UBTF: variants seen among roughly 807,000 people sequenced by gnomAD.
UBTF encodes the protein upstream binding transcription factor, also known as nucleolar transcription factor 1.
A neutral mutation model predicts 112.3 loss-of-function variants in UBTF; 8 were observed. The ratio of observed to expected loss-of-function variants is 0.07; its 90% CI spans 0.04 to 0.13. The LOEUF (loss-of-function observed/expected upper bound fraction) is 0.13. Among genes scored for constraint, UBTF ranks in the 10% least tolerant of loss-of-function variants. The pLI is 1.00. For missense variants in UBTF, 457 were observed against 982.1 expected, an observed-to-expected ratio of 0.47 and a Z score of 7.15; for synonymous variants, 417 against 373.1, an observed-to-expected ratio of 1.12 and a Z score of -1.36.
chr17:44,207,093 C>A lies in UBTF; in HGVS notation c.*149G>T. 1 of 876,132 alleles carries A rather than the reference C, an allele frequency of 1.1e-6. No individual in the cohort carries two copies. The highest frequency in any genetic ancestry group is 2.8e-5 in the Admixed American group (1 of 35,646). 54.3% of individuals were successfully genotyped at this position (876,132 alleles called of 1,614,324 possible). A position where few individuals can be genotyped will look rare whatever the true frequency, so the allele number is the denominator to read the frequency against. On this transcript the variant is annotated 3_prime_UTR_variant, in exon 21 of 21. Transcript: ENST00000436088. Reference sequence around the variant, plus strand: ...CCTGGGCTCCTCCAGCCCCCTACCCCCACCGTATTTTTTTTTTTTTTTAAA... The same window carrying A: ...CCTGGGCTCCTCCAGCCCCCTACCCACACCGTATTTTTTTTTTTTTTTAAA...
At position 44,212,826 on chromosome 17, in the gene UBTF, C is replaced by T; in HGVS notation, c.653G>A (p.Arg218Gln). The T allele has an allele frequency of 1.9e-6, 3 of 1,614,074 alleles. No homozygotes were observed. Among genetic ancestry groups the T allele is most frequent in the Non-Finnish European group, 2.5e-6 (3 of 1,179,932 alleles). Residue 218 changes from arginine (R) to glutamine (Q), a missense_variant, in exon 7 of 21, where the codon CGG becomes CAG. Transcript: ENST00000436088. The stretch of plus-strand genomic sequence containing the variant: ...CCTTGGCCGGACACTCACATCTGGC[C>T]GCACTTTGAGATACACCTTCTTCTC... ...THEKKVYLKV[R>Q]PDATTKEVKD...
At chr17:44,213,817 A>G (rs1398936154) in intron 5 of UBTF, among the ~76,000 whole-genome samples, 2 of 151,960 alleles carry the variant, frequency 1.3e-5, no homozygotes, top group African/African-American at 4.8e-5. Flanking sequence ...TTCTTCCAAT[A>G]CAAGTCTCAG....
intron 17 of UBTF, 146 bp from the exon 18 acceptor site, chr17:44,208,057 G>T: frequency 2.4e-6 from 2 of 825,610 alleles, no homozygotes; most frequent in Non-Finnish European, 3.8e-6. Context: ...TTGGGTCTCT[G>T]CAGAGAGCCC....
At chr17:44,213,073 G>T in intron 6 of UBTF, 134 bp from the exon 7 acceptor site, 1 of 1,539,886 alleles carries the variant, frequency 6.5e-7, no homozygotes, top group Non-Finnish European at 8.8e-7. Context: ...GCCTGTCTCT[G>T]TCCCTGAGCA....
chr17:44,214,460 G>A (rs75010831), intron 5 of UBTF, among the ~76,000 whole-genome samples: 1 of 152,322 alleles, frequency 6.6e-6, no homozygotes, highest in African/African-American at 2.4e-5. Flanking sequence ...GTGTCCCCCA[G>A]GACAGCACCT....
At chr17:44,217,664 C>T (rs562381182) in intron 2 of UBTF, among the ~76,000 whole-genome samples, 10 of 152,336 alleles carry the variant, frequency 6.6e-5, no homozygotes, top group African/African-American at 2.2e-4. Context: ...CCAGCTTCAT[C>T]CTACTCTCTA....
upstream of UBTF, among the ~76,000 whole-genome samples, chr17:44,220,514 A>AC (rs397794740): frequency 1.1e-4 from 16 of 149,372 alleles, no homozygotes; most frequent in African/African-American, 3.7e-4. Context: ...TTAAAAAAAA[A>AC]CCCGAAAACT....
rs533076050 is a variant in UBTF at position 44,209,822 on chromosome 17, T to C, written c.1627-89A>G. On this transcript the variant is annotated intron_variant, in intron 15 of 20. Transcript: ENST00000436088. ...TCATGCCATCAGCACCTTAGCTGGCTGTCTTTTTCTGTGCCAGGGAGGAGG... is the reference window on the plus strand; with the variant it reads ...TCATGCCATCAGCACCTTAGCTGGCCGTCTTTTTCTGTGCCAGGGAGGAGG... 13 of 1,367,806 alleles carry C rather than the reference T, an allele frequency of 9.5e-6. No individual in the cohort carries two copies. In the African/African-American group the frequency reaches 1.7e-4, roughly 18 times the overall value. The allele number at this position is 1,367,806 out of a possible 1,614,324, so 84.7% of individuals were successfully genotyped here. A position where few individuals can be genotyped will look rare whatever the true frequency, so the allele number is the denominator to read the frequency against.
At position 44,210,924 on chromosome 17, in the gene UBTF, C is replaced by A; in HGVS notation, c.1227G>T (p.Arg409=). 5.0e-6 allele frequency: 8 copies of A among 1,608,022 alleles called. No homozygotes were observed. The highest frequency in any genetic ancestry group is 5.9e-6 in the Non-Finnish European group (7 of 1,178,942). The stretch of plus-strand genomic sequence containing the variant: ...AGAAGATGAACATGGCCGACACGGG[C>A]CGCTTGGGCTTCTCGGAGCCGCCCT... ...GGKGGSEKPK[R]PVSAMFIFSE... The change falls in exon 13 of 21, where the codon CGG becomes CGT. Residue 409 remains arginine, a synonymous_variant. Transcript: ENST00000436088.
At chr17:44,220,401 C>G (rs2047127079), upstream of UBTF, among the ~76,000 whole-genome samples, 1 of 152,140 alleles carries the variant, frequency 6.6e-6, no homozygotes, top group Admixed American at 6.5e-5. Flanking sequence ...CCCTCATCCC[C>G]CGGAGCGTGG....
At chr17:44,220,315 C>T (rs2047122359), upstream of UBTF, among the ~76,000 whole-genome samples, 1 of 151,896 alleles carries the variant, frequency 6.6e-6, no homozygotes, top group Admixed American at 6.6e-5. Flanking sequence ...GGAGCTCTCC[C>T]CCAAGTTCTC....
intron 4 of UBTF, 42 bp from the exon 5 acceptor site, chr17:44,215,851 C>T: frequency 1.9e-6 from 3 of 1,614,020 alleles, no homozygotes; most frequent in Non-Finnish European, 2.5e-6. Flanking sequence ...CAAATACATC[C>T]CTTCTTTGGA....
rs189038681 is a variant in UBTF at position 44,216,001 on chromosome 17, G to C, written c.235-12C>G. On this transcript the variant is annotated splice_polypyrimidine_tract_variant and intron_variant, in intron 3 of 20. Transcript: ENST00000436088. The stretch of plus-strand genomic sequence containing the variant: ...CGGAACTTCCTCACCTGGAGGAAGA[G>C]GGGTGGGAGGAAGGGGAAGTTGGGA... 103 of 1,608,374 alleles carry C rather than the reference G, an allele frequency of 6.4e-5. 1 individual carries two copies. In the African/African-American group the frequency reaches 1.3e-3, roughly 21 times the overall value.
rs1446560793 is a variant in UBTF at position 44,210,947 on chromosome 17, C to G, written c.1204G>C (p.Gly402Arg). ...GGCCGCTTGGGCTTCTCGGAGCCGCCCTGTCCAGGTGCAGAGGGTCGGGGT... is the reference window on the plus strand; with the variant it reads ...GGCCGCTTGGGCTTCTCGGAGCCGCGCTGTCCAGGTGCAGAGGGTCGGGGT... Reference protein sequence around the residue: ...SKKPAQEGGKGGSEKPKRPVS... With the variant: ...SKKPAQEGGKRGSEKPKRPVS... The change falls in exon 13 of 21, where the codon GGC becomes CGC. Residue 402 changes from glycine to arginine, a missense_variant and splice_region_variant. By Grantham distance (125) the Gly-to-Arg change is moderately radical. This residue lies in a region of UBTF where 108 missense variants were observed against 137.4 expected (regional missense o/e 0.79). Transcript: ENST00000436088. 6.2e-7 allele frequency: 1 copy of G among 1,606,522 alleles called. No homozygotes were observed. Among genetic ancestry groups the G allele is most frequent in the Non-Finnish European group, 8.5e-7 (1 of 1,178,762 alleles).
chr17:44,216,383 A>T, intron 3 of UBTF, 146 bp downstream of exon 3: 1 of 969,670 alleles, frequency 1.0e-6, no homozygotes, highest in South Asian at 1.6e-5. Context: ...CACCTCCCAA[A>T]ATGCAAAGGG....
rs1158927208 is a variant in UBTF, at chr17:44,215,647, C to T, written c.474+7G>A. ...CCCTCCTCCCACCTTAACTCTCCTCCCCCCACCTTCTTCTTCTCCGGAAGC... is the reference window on the plus strand; with the variant it reads ...CCCTCCTCCCACCTTAACTCTCCTCTCCCCACCTTCTTCTTCTCCGGAAGC... On this transcript the variant is annotated splice_region_variant and intron_variant, in intron 5 of 20. Transcript: ENST00000436088. 1.2e-6 allele frequency: 2 copies of T among 1,613,682 alleles called. No individual in the cohort carries two copies. Among genetic ancestry groups the T allele is most frequent in the South Asian group, 1.1e-5 (1 of 91,062 alleles).
chr17:44,211,418 G>A lies in UBTF; in HGVS notation c.1048-87C>T. The A allele has an allele frequency of 1.3e-6, 2 of 1,584,400 alleles. No individual in the cohort carries two copies. Among genetic ancestry groups the A allele is most frequent in the Non-Finnish European group, 1.7e-6 (2 of 1,156,924 alleles). The stretch of plus-strand genomic sequence containing the variant: ...CTCGGAGGACAGTGACCTTCAGCGG[G>A]CCTCCAGAGCCTGGGTGTGGGCTGG... On this transcript the variant is annotated intron_variant, in intron 10 of 20. Coordinates refer to ENST00000436088, the MANE Select transcript of UBTF (RefSeq NM_014233.4). The surrounding 1 kb of genome is among the most constrained non-coding windows in gnomAD (Gnocchi z 4.9).
chr17:44,213,803 C>A (rs912632888), intron 5 of UBTF, among the ~76,000 whole-genome samples: 2 of 152,118 alleles, frequency 1.3e-5, no homozygotes, highest in Non-Finnish European at 2.9e-5. Context: ...GAACCCAGAG[C>A]GAGTTCTTCC....
chr17:44,206,604 C>T lies in UBTF; in HGVS notation c.*638G>A, dbSNP rs1375230715. On this transcript the variant is annotated 3_prime_UTR_variant, in exon 21 of 21. Transcript: ENST00000436088. ...GACGGCAGCCGAGATCGGTAGGAAA[C>T]GTCTCGTTGACAGCTCAGAGCTTAA... 2 of 149,796 alleles carry T rather than the reference C, an allele frequency of 1.3e-5. No individual in the cohort carries two copies. Among genetic ancestry groups the T allele is most frequent in the East Asian group, 2.0e-4 (1 of 5,120 alleles). 9.3% of individuals were successfully genotyped at this position (149,796 alleles called of 1,614,324 possible).
Sources: gnomAD v4.1 joint callset for allele counts (sites outside exome capture counted in the v4.1 genomes callset) on GRCh38, gnomAD v4.1.1 for gene constraint, gnomAD v4.1.1 regional missense constraint, Gnocchi (gnomAD v3.1) non-coding constraint, MANE v1.5 for transcripts, NCBI Gene and HGNC (gene_info 2026-07-23, HGNC 2026-07-21) for gene names.